Variants in CDKN2B-AS1 observed in about 807,000 individuals in gnomAD.
CDKN2B-AS1 encodes CDKN2B antisense RNA 1 (non-protein coding).
chr9:22,049,434 G>T (rs183927124), intron 3 of CDKN2B-AS1, among the ~76,000 whole-genome samples: 1 of 151,934 alleles, frequency 6.6e-6, no homozygotes, highest in Non-Finnish European at 1.5e-5. Flanking sequence ...GTATAAGTCC[G>T]AAAGGTGCTT....
intron 3 of CDKN2B-AS1, among the ~76,000 whole-genome samples, chr9:22,053,983 T>C (rs1823457547): frequency 6.6e-6 from 1 of 152,016 alleles, no homozygotes; most frequent in Admixed American, 6.6e-5. Context: ...AACTCATAAC[T>C]AACTGTGTGA....
At chr9:22,100,014 T>C (rs1478104657) in intron 4 of CDKN2B-AS1, among the ~76,000 whole-genome samples, 4 of 152,168 alleles carry the variant, frequency 2.6e-5, no homozygotes, top group African/African-American at 9.7e-5. Context: ...ACTTCAAATA[T>C]GTAAAAAGAT....
Position 22,039,470 on chromosome 9 carries a change from C to T in CDKN2B-AS1, n.30-7281C>T, listed in dbSNP as rs1269446220. ...CTTAATTGCGCAACATCTGTTTACT[C>T]TGTGTTTTAACATCTGTGTGGATAG... On this transcript the variant is annotated intron_variant and non_coding_transcript_variant, in intron 1 of 4. Transcript: ENST00000650946. This position sits in a 1 kb window ranked among gnomAD's most constrained non-coding sequence, Gnocchi z 4.4. Among the ~76,000 whole-genome samples the T allele has an allele frequency of 6.6e-6, 1 of 151,978 alleles. No individual in the cohort carries two copies. The highest frequency in any genetic ancestry group is 2.4e-5 in the African/African-American group (1 of 41,410).
At chr9:21,998,897 T>G (rs1007551286) in intron 1 of CDKN2B-AS1, among the ~76,000 whole-genome samples, 3 of 151,712 alleles carry the variant, frequency 2.0e-5, no homozygotes, top group African/African-American at 7.3e-5. Flanking sequence ...TAAAAAACAA[T>G]TATTTGATCA....
At chr9:22,085,960 C>G (rs953795259) in intron 4 of CDKN2B-AS1, among the ~76,000 whole-genome samples, 56 of 151,924 alleles carry the variant, frequency 3.7e-4, no homozygotes, top group African/African-American at 1.3e-3. Context: ...AAGTATTTGG[C>G]AACACAAACC....
intron 4 of CDKN2B-AS1, among the ~76,000 whole-genome samples, chr9:22,059,793 G>A (rs1006174270): frequency 1.3e-5 from 2 of 152,256 alleles, no homozygotes; most frequent in Non-Finnish European, 2.9e-5. Context: ...TGAAATCTAA[G>A]TGGAGGTTTC....
intron 4 of CDKN2B-AS1, among the ~76,000 whole-genome samples, chr9:22,091,902 G>A (rs896445522): frequency 1.5e-4 from 23 of 152,132 alleles, no homozygotes; most frequent in African/African-American, 4.1e-4. Context: ...TCTTGTGCCA[G>A]TTTTCAAAGG....
chr9:22,117,229 T>C (rs1825973466), intron 4 of CDKN2B-AS1, among the ~76,000 whole-genome samples: 2 of 152,248 alleles, frequency 1.3e-5, no homozygotes, highest in African/African-American at 4.8e-5. Context: ...TATTATATGC[T>C]ATGAAATTTT....
At chr9:22,101,718 A>G (rs1280068161) in intron 4 of CDKN2B-AS1, among the ~76,000 whole-genome samples, 1 of 149,162 alleles carries the variant, frequency 6.7e-6, no homozygotes, top group African/African-American at 2.6e-5. Context: ...TCTAGATTCT[A>G]CATGTACAAG....
chr9:22,028,545 C>T (rs1341368869), intron 1 of CDKN2B-AS1, among the ~76,000 whole-genome samples: 1 of 152,066 alleles, frequency 6.6e-6, no homozygotes, highest in Non-Finnish European at 1.5e-5. Flanking sequence ...TTAATGTTGA[C>T]ACCCTAGTCT....
intron 4 of CDKN2B-AS1, among the ~76,000 whole-genome samples, chr9:22,114,516 A>C (rs571951490): frequency 6.4e-4 from 98 of 152,324 alleles, no homozygotes; most frequent in African/African-American, 2.0e-3. Flanking sequence ...AAGGAGAGGA[A>C]GGCAAAGAAG....
In CDKN2B-AS1 at chr9:22,029,584, C is replaced by T. The variant is rs1822382348; in HGVS notation, n.30-17167C>T. 5 of 757,620 alleles carry T rather than the reference C, an allele frequency of 6.6e-6. No homozygotes were observed. In the Admixed American group the frequency reaches 7.0e-5, roughly 11 times the overall value. 46.9% of individuals were successfully genotyped at this position (757,620 alleles called of 1,614,324 possible). On this transcript the variant is annotated intron_variant and non_coding_transcript_variant, in intron 1 of 4. Transcript: ENST00000650946. Reference sequence around the variant, plus strand: ...GTGTGGTATGTGCCACTGAGGCCCACACCTATTGCTGTAAGTGCTGTTTGG... The same window carrying T: ...GTGTGGTATGTGCCACTGAGGCCCATACCTATTGCTGTAAGTGCTGTTTGG...
chr9:22,017,754 C>T lies in CDKN2B-AS1; in HGVS notation n.29+22593C>T, dbSNP rs549040985. 2.0e-4 allele frequency among the ~76,000 whole-genome samples: 31 copies of T among 152,018 alleles called. 1 individual carries two copies. In the South Asian group the frequency reaches 6.4e-3, roughly 32 times the overall value. ...TTGGTATATATTTGTTCATTATAAG[C>T]ATTTAAAAACAAAGGAACCTTTTAA... On this transcript the variant is annotated intron_variant and non_coding_transcript_variant, in intron 1 of 4. Transcript: ENST00000650946.
chr9:22,107,536 C>T (rs1243016725), intron 4 of CDKN2B-AS1, among the ~76,000 whole-genome samples: 2 of 152,162 alleles, frequency 1.3e-5, no homozygotes, highest in Non-Finnish European at 2.9e-5. Context: ...GCTTCCTTTC[C>T]CACACCCCGA....
chr9:22,064,904 A>G (rs547400353), intron 4 of CDKN2B-AS1, among the ~76,000 whole-genome samples: 2 of 152,330 alleles, frequency 1.3e-5, no homozygotes, highest in African/African-American at 4.8e-5. Flanking sequence ...TGGAGTTGTG[A>G]GGATTTAATG....
At chr9:22,076,594 T>TA (rs1824501601) in intron 4 of CDKN2B-AS1, among the ~76,000 whole-genome samples, 1 of 152,210 alleles carries the variant, frequency 6.6e-6, no homozygotes, top group South Asian at 2.1e-4. Context: ...CTCACATAGT[T>TA]ACCTGCTTCC....
chr9:22,009,763 C>A (rs1254905561), intron 1 of CDKN2B-AS1, among the ~76,000 whole-genome samples: 1 of 152,184 alleles, frequency 6.6e-6, no homozygotes, highest in African/African-American at 2.4e-5. Flanking sequence ...CATCCCCAGG[C>A]AGTACTTGGG....
At chr9:22,035,163 GGTT>G (rs1822637799) in intron 1 of CDKN2B-AS1, among the ~76,000 whole-genome samples, 2 of 151,234 alleles carry the variant, frequency 1.3e-5, no homozygotes, top group Non-Finnish European at 3.0e-5. Flanking sequence ...TTTTTTTTTA[GGTT>G]GTTGTCTAAC....
intron 4 of CDKN2B-AS1, among the ~76,000 whole-genome samples, chr9:22,110,345 A>G (rs1254578887): frequency 6.6e-6 from 1 of 152,128 alleles, no homozygotes. Context: ...TGGTACTATC[A>G]CTTGGATGAG....
Sources: allele counts gnomAD v4.1 joint callset (sites outside exome capture counted in the v4.1 genomes callset), GRCh38; gene constraint gnomAD v4.1.1; non-coding constraint Gnocchi (gnomAD v3.1); transcripts MANE v1.5; gene names NCBI Gene and HGNC (gene_info 2026-07-23, HGNC 2026-07-21).